ACOT1: variants seen among roughly 807,000 people sequenced by gnomAD.
The protein encoded by ACOT1 is acyl-CoA thioesterase 1, also known as acyl-coenzyme A thioesterase 1.
ACOT1 carries 8 observed loss-of-function variants against 15.7 expected under a neutral mutation model. That is an observed-to-expected ratio of 0.51 (90% confidence interval 0.30 to 0.92). The LOEUF is 0.92. Among genes scored for constraint, ACOT1 ranks in the 40% least tolerant of loss-of-function variants. ACOT1 has a pLI of 0.06. For synonymous variants in ACOT1, 67 were observed against 241.2 expected (o/e 0.28, Z 6.69); for missense variants, 151 against 539.4 (o/e 0.28, Z 7.13).
At chr14:73,523,008 C>A in the ACOT1 span, 2 of 1,614,024 alleles carry the variant, frequency 1.2e-6, no homozygotes, top group Admixed American at 1.7e-5. Flanking sequence ...CTGAAGAAGA[C>A]CATAGGCACA....
chr14:73,519,789 G>A, the ACOT1 span, among the ~76,000 whole-genome samples: 1 of 152,146 alleles, frequency 6.6e-6, no homozygotes, highest in African/African-American at 2.4e-5. Context: ...AGGCTAAGGA[G>A]GGCGGATCAC....
the ACOT1 span, chr14:73,521,188 C>T: frequency 4.3e-6 from 3 of 701,216 alleles, no homozygotes; most frequent in Admixed American, 8.5e-5. Flanking sequence ...AACTTTTAGC[C>T]TTGTCCCCAT....
chr14:73,537,844 G>T lies in ACOT1; in HGVS notation c.423G>T (p.Ala141=), dbSNP rs1357027543. 1 of 1,206,428 alleles carries T rather than the reference G, an allele frequency of 8.3e-7. No individual in the cohort carries two copies. The highest frequency in any genetic ancestry group is 1.1e-6 in the Non-Finnish European group (1 of 921,934). The allele number at this position is 1,206,428 out of a possible 1,614,324, so 74.7% of individuals were successfully genotyped here. ...GGGTGCGGCGCGAGCCGGTGCGCGC[G>T]GGCCGGGTGCGAGGCACGCTCTTCC... ...PPGVRREPVR[A]GRVRGTLFLP... The change falls in exon 1 of 3, where the codon GCG becomes GCT. Residue 141 remains alanine, a synonymous_variant. Transcript: ENST00000311148.
chr14:73,509,810 CCATATATATATATATA>C, the ACOT1 span, among the ~76,000 whole-genome samples: 671 of 63,178 alleles, frequency 0.011, 111 homozygotes, highest in African/African-American at 0.024. Flanking sequence ...CCCCATGAGC[CCATATATATATATATA>C]TATATATATA....
the ACOT1 span, among the ~76,000 whole-genome samples, chr14:73,525,952 TTAA>T: frequency 1.5e-5 from 1 of 66,786 alleles, no homozygotes; most frequent in Non-Finnish European, 3.4e-5. Flanking sequence ...GACTCCTTAT[TTAA>T]AAAAAAAAAA....
At chr14:73,511,331 G>A in the ACOT1 span, among the ~76,000 whole-genome samples, 1 of 150,772 alleles carries the variant, frequency 6.6e-6, no homozygotes, top group African/African-American at 2.4e-5. Context: ...TGGCCAACAT[G>A]GTGAAACCCC....
At chr14:73,514,229 T>G in the ACOT1 span, 81 of 1,613,992 alleles carry the variant, frequency 5.0e-5, no homozygotes, top group Non-Finnish European at 8.5e-7. Flanking sequence ...TGCACAGGTC[T>G]GTAAGCTGTG....
the ACOT1 span, chr14:73,492,434 C>A: frequency 1.2e-6 from 2 of 1,613,790 alleles, no homozygotes; most frequent in Non-Finnish European, 1.7e-6. This position sits in a 1 kb window ranked among gnomAD's most constrained non-coding sequence, Gnocchi z 4.9. Flanking sequence ...TAAGGATCCG[C>A]GAAGAACCGC....
At chr14:73,533,408 G>A (rs1888768609), upstream of ACOT1, among the ~76,000 whole-genome samples, 5 of 116,100 alleles carry the variant, frequency 4.3e-5, 2 homozygotes, top group Admixed American at 2.9e-4. Flanking sequence ...GCCAGGCGTG[G>A]TGGCTCAGGC....
At chr14:73,527,023 C>T in the ACOT1 span, among the ~76,000 whole-genome samples, 16 of 152,204 alleles carry the variant, frequency 1.1e-4, no homozygotes, top group South Asian at 3.3e-3. Context: ...TTATCTTACC[C>T]AAGGCCACCA....
chr14:73,503,314 C>A, the ACOT1 span, among the ~76,000 whole-genome samples: 2 of 152,178 alleles, frequency 1.3e-5, no homozygotes, highest in Non-Finnish European at 2.9e-5. Context: ...TCAGTGCCAA[C>A]ATAACTTGTA....
chr14:73,511,681 C>T, the ACOT1 span, among the ~76,000 whole-genome samples: 1 of 152,002 alleles, frequency 6.6e-6, no homozygotes, highest in Non-Finnish European at 1.5e-5. Flanking sequence ...TCAAGACTAG[C>T]CTGGTCAACA....
At chr14:73,505,890 C>CT in the ACOT1 span, among the ~76,000 whole-genome samples, 29,137 of 113,302 alleles carry the variant, frequency 0.26, 4,797 homozygotes, top group East Asian at 0.56. Flanking sequence ...ATAAACGTTT[C>CT]TTTTTTTTTT....
the ACOT1 span, among the ~76,000 whole-genome samples, chr14:73,528,411 A>AAAAAAAAT: frequency 1.3e-5 from 2 of 148,628 alleles, no homozygotes; most frequent in African/African-American, 4.9e-5. Flanking sequence ...AAAAAAAAAA[A>AAAAAAAAT]AAACTTAAGG....
chr14:73,502,884 C>G, the ACOT1 span: 2 of 1,596,344 alleles, frequency 1.3e-6, no homozygotes, highest in African/African-American at 2.7e-5. Flanking sequence ...CTCATGTTGA[C>G]TGGGTCTTAC....
At chr14:73,530,486 T>C in the ACOT1 span, 1 of 128,364 alleles carries the variant, frequency 7.8e-6, no homozygotes, top group African/African-American at 2.6e-5. Context: ...TTGTTTCAAG[T>C]CCCCCTTTCT....
the ACOT1 span, chr14:73,522,478 C>A: frequency 6.2e-7 from 1 of 1,614,230 alleles, no homozygotes; most frequent in Non-Finnish European, 8.5e-7. Flanking sequence ...ATGCCCCAGG[C>A]CTTCGAGGAC....
At chr14:73,492,895 G>C in the ACOT1 span, 1 of 1,613,702 alleles carries the variant, frequency 6.2e-7, no homozygotes, top group Non-Finnish European at 8.5e-7. This position sits in a 1 kb window ranked among gnomAD's most constrained non-coding sequence, Gnocchi z 4.9. Flanking sequence ...CAACCACGTT[G>C]TATGATAAGG....
chr14:73,491,046 C>T, the ACOT1 span: 1 of 1,586,916 alleles, frequency 6.3e-7, no homozygotes, highest in Non-Finnish European at 8.6e-7. Flanking sequence ...AGTGCAGGGC[C>T]GTTGAGGCGC....
Sources: allele counts gnomAD v4.1 joint callset (sites outside exome capture counted in the v4.1 genomes callset), GRCh38; gene constraint gnomAD v4.1.1; non-coding constraint Gnocchi (gnomAD v3.1); transcripts MANE v1.5; gene names NCBI Gene and HGNC (gene_info 2026-07-23, HGNC 2026-07-21).